Variants in TTC6 observed in about 807,000 individuals in gnomAD.
TTC6 encodes tetratricopeptide repeat domain 6.
Under a neutral mutation model 210.4 loss-of-function variants are expected in TTC6, and 172 were observed. The ratio of observed to expected loss-of-function variants is 0.82; its 90% CI spans 0.72 to 0.93. TTC6 has a LOEUF of 0.93. Among genes scored for constraint, TTC6 ranks in the 40% least tolerant of loss-of-function variants. The probability of loss-of-function intolerance (pLI) is 0.00; values close to 1 mark genes in which losing one functional copy is unlikely to be tolerated. For synonymous variants in TTC6, 804 were observed against 819.6 expected (o/e 0.98, Z 0.32); for missense variants, 2,414 against 2,318.1 (o/e 1.04, Z -0.85).
exon 8 of TTC6, chr14:37,735,954 T>G (rs1229053950): frequency 2.6e-6 from 4 of 1,534,406 alleles, no homozygotes; most frequent in Non-Finnish European, 3.5e-6. Context: ...AACTGATAAA[T>G]TGTCATATAA....
chr14:37,749,497 A>G (rs1350236860), intron 11 of TTC6, 96 bp downstream of exon 13: 3 of 1,248,622 alleles, frequency 2.4e-6, no homozygotes, highest in Non-Finnish European at 3.1e-6. Context: ...ATGAATGTTT[A>G]TAGTATAGCA....
chr14:37,679,450 A>G (rs887213837), intron 1 of TTC6, among the ~76,000 whole-genome samples: 12 of 152,132 alleles, frequency 7.9e-5, no homozygotes, highest in Non-Finnish European at 1.8e-4. Context: ...AGCTATGGTA[A>G]AAATGATACT....
chr14:37,667,945 G>A (rs1347490414), intron 1 of TTC6, among the ~76,000 whole-genome samples: 2 of 150,312 alleles, frequency 1.3e-5, no homozygotes, highest in Non-Finnish European at 3.0e-5. Flanking sequence ...GACCAGCCTG[G>A]CCAACATAGT....
chr14:37,794,259 A>G (rs976704392), intron 17 of TTC6, among the ~76,000 whole-genome samples: 4 of 152,146 alleles, frequency 2.6e-5, no homozygotes, highest in African/African-American at 9.7e-5. Flanking sequence ...AAATTTTCCA[A>G]TTTGTTTAAA....
intron 25 of TTC6, among the ~76,000 whole-genome samples, chr14:37,814,197 T>C (rs2096136267): frequency 6.6e-6 from 1 of 152,164 alleles, no homozygotes; most frequent in Non-Finnish European, 1.5e-5. Context: ...CTGATCTCAT[T>C]GTCAAACATT....
At chr14:37,712,321 CCT>C (rs2095845915) in intron 5 of TTC6, among the ~76,000 whole-genome samples, 1 of 152,172 alleles carries the variant, frequency 6.6e-6, no homozygotes, top group Admixed American at 6.6e-5. Flanking sequence ...TCACTGCTCT[CCT>C]CATCACCATC....
At chr14:37,769,769 A>G (rs1250509641) in intron 14 of TTC6, among the ~76,000 whole-genome samples, 2 of 151,774 alleles carry the variant, frequency 1.3e-5, no homozygotes, top group African/African-American at 2.4e-5. Flanking sequence ...GGATTCATTA[A>G]TTTTTTGAAT....
rs577129753 is a variant in TTC6 at position 37,667,907 on chromosome 14, C to T, written c.940-12244C>T. On this transcript the variant is annotated intron_variant, in intron 1 of 30. Transcript: ENST00000553443. ...AATCCCAGCACTTTGGGAGGCTGAG[C>T]GGGTGGATCATGAGGTCAGGAGTTC... Among the ~76,000 whole-genome samples, 17 of 150,360 alleles carry T rather than the reference C, an allele frequency of 1.1e-4. 1 individual carries two copies. The highest frequency in any genetic ancestry group is 3.3e-4 in the Admixed American group (5 of 15,100).
At chr14:37,609,941 C>T (rs1417124661) in intron 2 of TTC6, among the ~76,000 whole-genome samples, 2 of 152,192 alleles carry the variant, frequency 1.3e-5, no homozygotes, top group East Asian at 1.9e-4. Flanking sequence ...GCAGTAAAAT[C>T]GCAGGGTTGG....
intron 5 of TTC6, among the ~76,000 whole-genome samples, chr14:37,713,858 T>A (rs1363967960): frequency 3.9e-5 from 6 of 152,162 alleles, no homozygotes; most frequent in African/African-American, 1.4e-4. Context: ...TGGTAACTCG[T>A]AATGTGTTTC....
At chr14:37,785,845 G>A (rs2139295262) in intron 14 of TTC6, among the ~76,000 whole-genome samples, 1 of 152,318 alleles carries the variant, frequency 6.6e-6, no homozygotes, top group Middle Eastern at 3.4e-3. Flanking sequence ...CCTTCTAACA[G>A]TCAGGACCCT....
chr14:37,698,579 C>T (rs541191806), intron 4 of TTC6, among the ~76,000 whole-genome samples: 1 of 152,176 alleles, frequency 6.6e-6, no homozygotes, highest in African/African-American at 2.4e-5. Context: ...TTCACTCCTC[C>T]AGTTAGGCCT....
chr14:37,625,785 T>C (rs1302583234), intron 1 of TTC6, among the ~76,000 whole-genome samples: 1 of 152,154 alleles, frequency 6.6e-6, no homozygotes, highest in African/African-American at 2.4e-5. Context: ...CTCAGCAGGC[T>C]GGACTGTCTT....
intron 6 of TTC6, among the ~76,000 whole-genome samples, chr14:37,717,219 A>G (rs2095854243): frequency 6.6e-6 from 1 of 151,986 alleles, no homozygotes; most frequent in Admixed American, 6.6e-5. Context: ...TAAAAGCAGA[A>G]ATCAATGAAA....
At chr14:37,744,538 A>G (rs536229140) in intron 10 of TTC6, among the ~76,000 whole-genome samples, 21 of 152,336 alleles carry the variant, frequency 1.4e-4, no homozygotes, top group African/African-American at 5.1e-4. Flanking sequence ...GAGGGACAGC[A>G]TAGAAGTCAG....
intron 29 of TTC6, among the ~76,000 whole-genome samples, chr14:37,838,780 C>T (rs1006622283): frequency 2.0e-5 from 3 of 152,072 alleles, no homozygotes; most frequent in Admixed American, 1.3e-4. Context: ...TTGCTACACC[C>T]ATCGACGCAT....
At chr14:37,642,967 G>A (rs886352133) in intron 1 of TTC6, among the ~76,000 whole-genome samples, 1 of 152,220 alleles carries the variant, frequency 6.6e-6, no homozygotes, top group East Asian at 1.9e-4. Flanking sequence ...TATGGGGTCT[G>A]TCATTGACTG....
exon 25 of TTC6, chr14:37,812,414 A>G (rs927175682): frequency 1.9e-6 from 3 of 1,608,476 alleles, no homozygotes; most frequent in Non-Finnish European, 2.5e-6. Context: ...GAACTAGGCC[A>G]GTATGGCTTT....
chr14:37,695,803 A>G (rs1272863276), intron 3 of TTC6, among the ~76,000 whole-genome samples: 1 of 151,094 alleles, frequency 6.6e-6, no homozygotes, highest in Non-Finnish European at 1.5e-5. Flanking sequence ...AAAACACTTC[A>G]TGTACCCCAT....
Sources: allele counts gnomAD v4.1 joint callset (sites outside exome capture counted in the v4.1 genomes callset), GRCh38; gene constraint gnomAD v4.1.1; transcripts MANE v1.5; gene names NCBI Gene and HGNC (gene_info 2026-07-23, HGNC 2026-07-21).